Variants in SEC14L2 observed in about 807,000 individuals in gnomAD.
The protein encoded by SEC14L2 is SEC14 like lipid binding 2.
Under a neutral mutation model 56.9 loss-of-function variants are expected in SEC14L2, and 50 were observed. The ratio of observed to expected loss-of-function variants is 0.88; its 90% CI spans 0.70 to 1.11. The LOEUF is 1.11. Among genes scored for constraint, SEC14L2 ranks in the 50% most tolerant of loss-of-function variants. The pLI, the probability that SEC14L2 is intolerant of heterozygous loss-of-function variation, is 0.00. For synonymous variants in SEC14L2, 179 were observed against 188.5 expected, an observed-to-expected ratio of 0.95 and a Z score of 0.41; for missense variants, 414 against 500.7, an observed-to-expected ratio of 0.83 and a Z score of 1.65.
At chr22:30,420,099 A>G (rs1216026597) in intron 11 of SEC14L2, among the ~76,000 whole-genome samples, 2 of 151,872 alleles carry the variant, frequency 1.3e-5, no homozygotes, top group African/African-American at 4.8e-5. Context: ...GATTACAGGC[A>G]TGGGCCACCA....
rs1284164252 is a variant in SEC14L2, at chr22:30,422,673, G to A, written c.*266G>A. ...AACTGTGCCAACTTCACCTGTCCAG[G>A]GACAGCGAAGCTGGGGGTGGCGGGG... is the stretch of plus-strand genomic sequence containing the variant. On this transcript the variant is annotated 3_prime_UTR_variant, in exon 12 of 12. Transcript: ENST00000615189. 2.9e-6 allele frequency: 1 copy of A among 343,670 alleles called. No homozygotes were observed. Among genetic ancestry groups the A allele is most frequent in the Non-Finnish European group, 5.3e-6 (1 of 187,956 alleles). The allele number at this position is 343,670 out of a possible 1,614,324, so 21.3% of individuals were successfully genotyped here.
chr22:30,416,597 A>T (rs1185849944), intron 11 of SEC14L2, 194 bp downstream of exon 11: 2 of 1,474,776 alleles, frequency 1.4e-6, no homozygotes, highest in African/African-American at 2.8e-5. Context: ...ACTGGTTAAC[A>T]GCAGGGTGGG....
At chr22:30,397,656 A>G (rs2145998504) in intron 1 of SEC14L2, 1 of 328,696 alleles carries the variant, frequency 3.0e-6, no homozygotes, top group Non-Finnish European at 6.0e-6. Context: ...ACCTTGGGCA[A>G]AACCCTGCCC....
At chr22:30,410,923 T>C (rs1472118867) in intron 8 of SEC14L2, among the ~76,000 whole-genome samples, 1 of 152,136 alleles carries the variant, frequency 6.6e-6, no homozygotes, top group Non-Finnish European at 1.5e-5. Context: ...TGAATGAGAC[T>C]CCAGTCCTTG....
rs1569202865 is a variant in SEC14L2 at position 30,397,040 on chromosome 22, A to C, written c.-77A>C. Reference sequence around the variant, plus strand: ...TGGGACTTTACTCCGGGTGGCGGCGAGGACGAGTCTGTGCTCCATCAGCTG... The same window carrying C: ...TGGGACTTTACTCCGGGTGGCGGCGCGGACGAGTCTGTGCTCCATCAGCTG... On this transcript the variant is annotated 5_prime_UTR_variant, in exon 1 of 12. Coordinates refer to ENST00000615189, the MANE Select transcript of SEC14L2 (RefSeq NM_012429.5). 7.6e-7 allele frequency: 1 copy of C among 1,322,178 alleles called. No individual in the cohort carries two copies. The highest frequency in any genetic ancestry group is 1.1e-6 in the Non-Finnish European group (1 of 944,156). 81.9% of individuals were successfully genotyped at this position (1,322,178 alleles called of 1,614,324 possible).
At chr22:30,416,564 G>A in intron 11 of SEC14L2, 161 bp downstream of exon 11, 1 of 1,504,942 alleles carries the variant, frequency 6.6e-7, no homozygotes, top group Admixed American at 2.1e-5. Flanking sequence ...ATCTAGCCTT[G>A]GAGACTTGTT....
At chr22:30,407,064 T>C (rs775597699) in intron 3 of SEC14L2, 31 bp from the exon 4 acceptor site, 2 of 1,611,480 alleles carry the variant, frequency 1.2e-6, no homozygotes, top group East Asian at 4.5e-5. Flanking sequence ...CCATCCCTCC[T>C]TTTAAAAATT....
chr22:30,401,232 T>TG (rs1933924472), intron 2 of SEC14L2, among the ~76,000 whole-genome samples: 1 of 146,924 alleles, frequency 6.8e-6, no homozygotes, highest in South Asian at 2.2e-4. Flanking sequence ...TATTTAGAGA[T>TG]GGAGTCTTGC....
chr22:30,402,625 A>G (rs1933970497), intron 2 of SEC14L2, among the ~76,000 whole-genome samples: 1 of 152,102 alleles, frequency 6.6e-6, no homozygotes, highest in African/African-American at 2.4e-5. Flanking sequence ...TGCTCCTTAA[A>G]GCCAAGCTCA....
At chr22:30,414,186 C>T (rs368477848) in intron 8 of SEC14L2, among the ~76,000 whole-genome samples, 1 of 152,192 alleles carries the variant, frequency 6.6e-6, no homozygotes, top group Non-Finnish European at 1.5e-5. Flanking sequence ...GAAGAATCCT[C>T]CTGGCCTTAT....
intron 2 of SEC14L2, among the ~76,000 whole-genome samples, chr22:30,400,919 A>C (rs1569204760): frequency 7.1e-6 from 1 of 141,140 alleles, no homozygotes; most frequent in East Asian, 1.9e-4. Context: ...AAAAAAAAAA[A>C]AAAAGAAGGT....
In SEC14L2 at chr22:30,422,321, A is replaced by G; in HGVS notation, c.1126A>G (p.Lys376Glu). ...CACCTACAGCTTCATTCATGCCAAG[A>G]AGGTCAATTTCACTGTGGAGGTCCT... ...DNTYSFIHAK[K>E]VNFTVEVLLP... Residue 376 changes from lysine (K) to glutamate (E), a missense_variant, in exon 12 of 12, where the codon AAG becomes GAG. By Grantham distance (56) the Lys-to-Glu change is moderately conservative (BLOSUM62 1). Coordinates refer to ENST00000615189, the MANE Select transcript of SEC14L2 (RefSeq NM_012429.5). 7 of 1,614,204 alleles carry G rather than the reference A, an allele frequency of 4.3e-6. No homozygotes were observed. Among genetic ancestry groups the G allele is most frequent in the Non-Finnish European group, 5.9e-6 (7 of 1,180,036 alleles).
chr22:30,422,205 A>G, intron 11 of SEC14L2, 72 bp from the exon 12 acceptor site: 1 of 1,586,110 alleles, frequency 6.3e-7, no homozygotes, highest in Non-Finnish European at 8.6e-7. Flanking sequence ...ACTAAACATC[A>G]ACAAAAATCA....
intron 8 of SEC14L2, among the ~76,000 whole-genome samples, chr22:30,413,404 T>C (rs539275573): frequency 4.7e-4 from 70 of 150,146 alleles, no homozygotes; most frequent in Admixed American, 3.3e-4. Flanking sequence ...TGAAGTGGAG[T>C]GGAGGGAGAA....
rs1934615884 is a variant in SEC14L2, at chr22:30,424,489, C to G, written c.*2082C>G. ...CTCAATAGTTACTCATTTTCTCTAC[C>G]TTTGATGAAAATAAGAGCTAATTCT... On this transcript the variant is annotated 3_prime_UTR_variant, in exon 12 of 12. Transcript: ENST00000615189. 10 of 342,248 alleles carry G rather than the reference C, an allele frequency of 2.9e-5. 1 individual carries two copies. The highest frequency in any genetic ancestry group is 2.2e-4 in the South Asian group (10 of 44,540). 21.2% of individuals were successfully genotyped at this position (342,248 alleles called of 1,614,324 possible).
intron 7 of SEC14L2, 140 bp from the exon 8 acceptor site, chr22:30,410,456 C>A: frequency 1.4e-6 from 1 of 710,036 alleles, no homozygotes; most frequent in Non-Finnish European, 2.5e-6. Flanking sequence ...ACACCCTGGG[C>A]TGCCTATGTG....
intron 8 of SEC14L2, among the ~76,000 whole-genome samples, chr22:30,414,683 G>A (rs968189865): frequency 6.6e-6 from 1 of 151,876 alleles, no homozygotes; most frequent in Non-Finnish European, 1.5e-5. Flanking sequence ...TGATATTTGT[G>A]AATTTGGATT....
rs1434438358 is a variant in SEC14L2 at position 30,409,441 on chromosome 22, G to C, written c.535G>C (p.Glu179Gln). ...EAYGEFLCMFEENYPETLKRL... is the reference protein window; with the variant it reads ...EAYGEFLCMFQENYPETLKRL... ...GTTTCCACAGTTTCTCTGCATGTTT[G>C]AGGAAAATTATCCCGAAACACTGAA... Residue 179 changes from glutamate (E) to glutamine (Q), a missense_variant, in exon 7 of 12, where the codon GAG (glutamate) becomes CAG (glutamine). Physicochemically the swap from Glu to Gln is conservative, Grantham distance 29. Transcript: ENST00000615189. 3 of 1,614,076 alleles carry C rather than the reference G, an allele frequency of 1.9e-6. No individual in the cohort carries two copies. Among genetic ancestry groups the C allele is most frequent in the Non-Finnish European group, 1.7e-6 (2 of 1,180,034 alleles).
intron 2 of SEC14L2, among the ~76,000 whole-genome samples, chr22:30,404,338 G>C (rs1934032407): frequency 6.6e-6 from 1 of 152,202 alleles, no homozygotes; most frequent in Non-Finnish European, 1.5e-5. Context: ...CCTGTGATGG[G>C]TGTGGCATTG....
Sources: gnomAD v4.1 joint callset for allele counts (sites outside exome capture counted in the v4.1 genomes callset) on GRCh38, gnomAD v4.1.1 for gene constraint, MANE v1.5 for transcripts, NCBI Gene and HGNC (gene_info 2026-07-23, HGNC 2026-07-21) for gene names.